The following PKD2 variants were observed in gnomAD, a reference collection of about 807,000 sequenced individuals.
The protein encoded by PKD2 is polycystin 2, transient receptor potential cation channel.
A neutral mutation model predicts 105.9 loss-of-function variants in PKD2; 48 were observed. The observed-to-expected ratio is 0.45, with a 90% confidence interval of 0.36 to 0.58. The LOEUF (loss-of-function observed/expected upper bound fraction) is 0.58. PKD2 is among the 20% of genes least tolerant of loss of function. The probability of loss-of-function intolerance (pLI) is 0.00; values close to 1 mark genes in which losing one functional copy is unlikely to be tolerated. For synonymous variants in PKD2, 464 were observed against 481.1 expected (o/e 0.96, Z 0.46); for missense variants, 1,078 against 1,255.3 (o/e 0.86, Z 2.13).
At chr4:88,028,831 A>G (rs766065114) in intron 2 of PKD2, among the ~76,000 whole-genome samples, 27 of 152,320 alleles carry the variant, frequency 1.8e-4, no homozygotes, top group Non-Finnish European at 2.9e-4. Context: ...TTGAACCATC[A>G]TATATCCAAG....
chr4:88,032,559 T>G (rs1260527503), intron 2 of PKD2, among the ~76,000 whole-genome samples: 1 of 152,232 alleles, frequency 6.6e-6, no homozygotes, highest in African/African-American at 2.4e-5. Context: ...AAGAAAGATG[T>G]GTACATATGT....
chr4:88,031,730 G>C (rs1037098122), intron 2 of PKD2, among the ~76,000 whole-genome samples: 1 of 152,116 alleles, frequency 6.6e-6, no homozygotes, highest in Non-Finnish European at 1.5e-5. Context: ...AAGATTGAAA[G>C]ATACAGGGTT....
intron 1 of PKD2, among the ~76,000 whole-genome samples, chr4:88,009,836 A>C (rs1726325582): frequency 6.6e-6 from 1 of 152,218 alleles, no homozygotes; most frequent in Non-Finnish European, 1.5e-5. Flanking sequence ...AGTTCCTTTT[A>C]AGTTAATAAA....
intron 9 of PKD2, among the ~76,000 whole-genome samples, chr4:88,059,777 A>G (rs577559010): frequency 6.6e-6 from 1 of 152,140 alleles, no homozygotes; most frequent in Non-Finnish European, 1.5e-5. Flanking sequence ...ACATACATAC[A>G]TACATAGACA....
chr4:88,045,218 G>C (rs994103733), intron 5 of PKD2, among the ~76,000 whole-genome samples: 1 of 152,228 alleles, frequency 6.6e-6, no homozygotes, highest in African/African-American at 2.4e-5. Context: ...ATGGGCCAGA[G>C]AAATGACTTG....
intron 1 of PKD2, among the ~76,000 whole-genome samples, 171 bp from the exon 2 acceptor site, chr4:88,019,287 A>G (rs1433377185): frequency 6.6e-6 from 1 of 151,966 alleles, no homozygotes; most frequent in Non-Finnish European, 1.5e-5. Flanking sequence ...AATAAAAGGT[A>G]GGCCTACAAA....
chr4:88,064,438 C>T (rs920770058), intron 10 of PKD2, among the ~76,000 whole-genome samples: 12 of 152,080 alleles, frequency 7.9e-5, no homozygotes, highest in African/African-American at 2.9e-4. Context: ...ATAACTGACA[C>T]TAAGGGAGTG....
At chr4:88,050,899 G>A (rs2728106) in intron 6 of PKD2, among the ~76,000 whole-genome samples, 46,029 of 152,076 alleles carry the variant, frequency 0.3, 10,272 homozygotes, top group African/African-American at 0.62. Flanking sequence ...ATGAGAATCA[G>A]TGGGACCATG....
At chr4:88,041,117 G>A (rs535628377) in intron 4 of PKD2, among the ~76,000 whole-genome samples, 86 of 152,130 alleles carry the variant, frequency 5.7e-4, no homozygotes, top group Non-Finnish European at 1.2e-3. Context: ...TAAACTCATC[G>A]TTTTCTTATG....
intron 5 of PKD2, 58 bp downstream of exon 5, chr4:88,043,515 T>C: frequency 7.8e-7 from 1 of 1,284,968 alleles, no homozygotes; most frequent in Admixed American, 1.7e-5. Flanking sequence ...TACATCCTAT[T>C]CTGGGGTTAG....
rs769500248 is a variant in PKD2, at chr4:88,075,444, T to A, written c.2671-14T>A. ...TCTACTGCCCCCAACACCAGTTTCT[T>A]TTTCCCTTTTTAGGATGAAAGGCTG... is the stretch of plus-strand genomic sequence containing the variant. On this transcript the variant is annotated splice_polypyrimidine_tract_variant and intron_variant, in intron 14 of 14. Coordinates refer to ENST00000237596, the MANE Select transcript of PKD2 (RefSeq NM_000297.4). 23 of 1,602,772 alleles carry A rather than the reference T, an allele frequency of 1.4e-5. No homozygotes were observed. In the East Asian group the frequency reaches 4.7e-4, roughly 33 times the overall value.
chr4:88,008,810 A>G (rs986258616), intron 1 of PKD2, among the ~76,000 whole-genome samples: 4 of 152,176 alleles, frequency 2.6e-5, no homozygotes, highest in Non-Finnish European at 4.4e-5. Context: ...AGTACAGTGC[A>G]TATAATGTCA....
Position 88,014,038 on chromosome 4 carries a change from T to C in PKD2, c.596-5420T>C, listed in dbSNP as rs1303699756. Among the ~76,000 whole-genome samples, 10 of 152,154 alleles carry C rather than the reference T, an allele frequency of 6.6e-5. No homozygotes were observed. The East Asian group carries it at 1.7e-3, about 27-fold the overall frequency. ...CTGACAGACTAGGTCAGGAGAGGGC[T>C]GACCAAGAGGAGGAGGGGTGACGAG... On this transcript the variant is annotated intron_variant, in intron 1 of 14. Coordinates refer to ENST00000237596, the MANE Select transcript of PKD2 (RefSeq NM_000297.4).
At chr4:88,012,909 A>T (rs1315931901) in intron 1 of PKD2, among the ~76,000 whole-genome samples, 2 of 152,098 alleles carry the variant, frequency 1.3e-5, no homozygotes, top group Non-Finnish European at 2.9e-5. Flanking sequence ...CTTCTTTTTT[A>T]TGACGAAATA....
At chr4:88,020,029 C>T (rs1726694252) in intron 2 of PKD2, among the ~76,000 whole-genome samples, 1 of 152,144 alleles carries the variant, frequency 6.6e-6, no homozygotes, top group Non-Finnish European at 1.5e-5. Context: ...CCAGCCAGTT[C>T]ATCGTCAGTG....
At chr4:88,024,457 GAAAAAAAAAAAA>G (rs552942631) in intron 2 of PKD2, among the ~76,000 whole-genome samples, 4 of 50,378 alleles carry the variant, frequency 7.9e-5, no homozygotes, top group Admixed American at 2.5e-4. Context: ...ACTCTGTCTC[GAAAAAAAAAAAA>G]AAAAAAAAAA....
At chr4:88,070,114 A>G (rs1224071003) in intron 13 of PKD2, among the ~76,000 whole-genome samples, 1 of 152,116 alleles carries the variant, frequency 6.6e-6, no homozygotes, top group African/African-American at 2.4e-5. Flanking sequence ...CTAGCAATGA[A>G]TTCTTTCATT....
chr4:88,012,539 T>C (rs1322000912), intron 1 of PKD2, among the ~76,000 whole-genome samples: 3 of 151,958 alleles, frequency 2.0e-5, no homozygotes, highest in Non-Finnish European at 4.4e-5. Context: ...TGCCTCTCTA[T>C]TTTTTTTAAA....
At chr4:88,072,273 A>C (rs371930935) in intron 13 of PKD2, among the ~76,000 whole-genome samples, 10 of 151,992 alleles carry the variant, frequency 6.6e-5, no homozygotes, top group African/African-American at 2.4e-4. Flanking sequence ...ATGCACCACC[A>C]CGCCTGGCCC....
Sources: allele counts gnomAD v4.1 joint callset (sites outside exome capture counted in the v4.1 genomes callset), GRCh38; gene constraint gnomAD v4.1.1; transcripts MANE v1.5; gene names NCBI Gene and HGNC (gene_info 2026-07-23, HGNC 2026-07-21).